MALRD1: variants seen among roughly 807,000 people sequenced by gnomAD.
The protein encoded by MALRD1 is MAM and LDL-receptor class A domain-containing protein 1.
In MALRD1, 247 loss-of-function variants were observed where a neutral mutation model predicts 242.1. The ratio of observed to expected loss-of-function variants is 1.02; its 90% CI spans 0.92 to 1.13. The LOEUF (loss-of-function observed/expected upper bound fraction) is 1.13, where lower values mean the gene tolerates loss of function less well. Among genes scored for constraint, MALRD1 ranks in the 50% most tolerant of loss-of-function variants. MALRD1 has a pLI of 0.00. For synonymous variants in MALRD1, 995 were observed against 866.6 expected (o/e 1.15, Z -2.60); for missense variants, 2,989 against 2,533.1 (o/e 1.18, Z -3.86).
chr10:19,473,742 A>G (rs7073687), intron 29 of MALRD1, among the ~76,000 whole-genome samples: 131,165 of 152,152 alleles, frequency 0.86, 56,703 homozygotes, highest in East Asian at 1. Context: ...CACTTGGATT[A>G]CTTTTGCCTT....
In MALRD1 at chr10:19,165,810, G is replaced by C; in HGVS notation, c.1830G>C (p.Gln610His). ...CGGGAGAATCTACTCTACCTTTTCA[G>C]GTAAGCACATACGAAATTAATACAA... ...AEAGESTLPF[Q>H]LILEATVLSS... is the part of the protein sequence containing the mutation. Residue 610 changes from glutamine to histidine, a missense_variant and splice_region_variant, in exon 13 of 40, where the codon CAG becomes CAC. Coordinates refer to ENST00000454679, the MANE Select transcript of MALRD1 (RefSeq NM_001142308.3). 1 of 1,231,530 alleles carries C rather than the reference G, an allele frequency of 8.1e-7. No homozygotes were observed. 76.3% of individuals were successfully genotyped at this position (1,231,530 alleles called of 1,614,324 possible). A position where few individuals can be genotyped will look rare whatever the true frequency, so the allele number is the denominator to read the frequency against.
intron 14 of MALRD1, 52 bp downstream of exon 14, chr10:19,175,380 C>A (rs1458902149): frequency 6.6e-6 from 8 of 1,204,232 alleles, no homozygotes; most frequent in Admixed American, 4.3e-5. Context: ...TTAAGCTCTT[C>A]TCAGTATCAA....
At chr10:19,539,615 T>G (rs564267351) in intron 32 of MALRD1, among the ~76,000 whole-genome samples, 28 of 152,266 alleles carry the variant, frequency 1.8e-4, no homozygotes, top group South Asian at 8.3e-4. Context: ...GGGGATGCTA[T>G]AAGTATTTGT....
At chr10:19,240,006 G>T (rs1187549407) in intron 18 of MALRD1, among the ~76,000 whole-genome samples, 1 of 151,966 alleles carries the variant, frequency 6.6e-6, no homozygotes, top group African/African-American at 2.4e-5. Context: ...CATACAAATT[G>T]TAGGGTACTT....
intron 26 of MALRD1, among the ~76,000 whole-genome samples, chr10:19,365,677 AAAAAAAAAAAAC>A (rs1564597226): frequency 1.4e-5 from 1 of 73,204 alleles, no homozygotes; most frequent in Non-Finnish European, 3.0e-5. Flanking sequence ...AAAAAAAAAA[AAAAAAAAAAAAC>A]AAGCTACTAT....
chr10:19,336,298 T>G (rs1385483385), intron 24 of MALRD1, among the ~76,000 whole-genome samples: 6 of 152,176 alleles, frequency 3.9e-5, no homozygotes, highest in Admixed American at 3.9e-4. Flanking sequence ...TACATTCTAA[T>G]TAGCTTATTT....
At chr10:19,310,076 G>T (rs1198792048) in intron 21 of MALRD1, among the ~76,000 whole-genome samples, 1 of 151,446 alleles carries the variant, frequency 6.6e-6, no homozygotes, top group Non-Finnish European at 1.5e-5. Flanking sequence ...CCAATCTCTT[G>T]TCAGTGTCTC....
chr10:19,161,950 C>G (rs1235582825), intron 12 of MALRD1, among the ~76,000 whole-genome samples: 1 of 152,136 alleles, frequency 6.6e-6, no homozygotes, highest in Non-Finnish European at 1.5e-5. Context: ...ATCACTTGAA[C>G]CCAGGAAGTG....
chr10:19,099,793 T>C (rs1324551013), intron 4 of MALRD1, among the ~76,000 whole-genome samples: 1 of 151,364 alleles, frequency 6.6e-6, no homozygotes, highest in East Asian at 1.9e-4. Context: ...CCAGATGGAA[T>C]CTCACTCTGT....
intron 28 of MALRD1, among the ~76,000 whole-genome samples, chr10:19,411,371 T>A (rs1201974004): frequency 6.6e-6 from 1 of 152,192 alleles, no homozygotes; most frequent in Non-Finnish European, 1.5e-5. Context: ...AATACCAGTA[T>A]TATCCAAACA....
intron 21 of MALRD1, among the ~76,000 whole-genome samples, chr10:19,297,360 A>G (rs1051091583): frequency 6.6e-6 from 1 of 151,842 alleles, no homozygotes; most frequent in Non-Finnish European, 1.5e-5. Flanking sequence ...TTCTATAATC[A>G]TAAGATTAAA....
intron 32 of MALRD1, 146 bp from the exon 33 acceptor site, chr10:19,567,356 C>A: frequency 1.3e-6 from 1 of 744,038 alleles, no homozygotes; most frequent in Non-Finnish European, 2.1e-6. Context: ...CACTTTATAA[C>A]CCACAATTTC....
intron 29 of MALRD1, among the ~76,000 whole-genome samples, chr10:19,479,096 A>C (rs1299013148): frequency 6.6e-6 from 1 of 152,202 alleles, no homozygotes; most frequent in East Asian, 1.9e-4. Context: ...ATGAAATACT[A>C]TTTGATCACT....
At chr10:19,295,995 G>A (rs76805782) in intron 21 of MALRD1, among the ~76,000 whole-genome samples, 7 of 152,188 alleles carry the variant, frequency 4.6e-5, no homozygotes, top group African/African-American at 1.7e-4. Flanking sequence ...GCAGCACAGT[G>A]GAATTACTTG....
intron 8 of MALRD1, among the ~76,000 whole-genome samples, chr10:19,129,510 G>T (rs1837386217): frequency 6.6e-6 from 1 of 151,916 alleles, no homozygotes; most frequent in Admixed American, 6.6e-5. Flanking sequence ...TAGAGGATTT[G>T]TCACATAGGT....
At chr10:19,233,149 T>C (rs1301285195) in intron 18 of MALRD1, among the ~76,000 whole-genome samples, 1 of 152,136 alleles carries the variant, frequency 6.6e-6, no homozygotes, top group Non-Finnish European at 1.5e-5. Context: ...CAGTGTGAAA[T>C]AATCACGTCA....
intron 28 of MALRD1, among the ~76,000 whole-genome samples, chr10:19,409,088 C>T (rs1833161715): frequency 6.6e-6 from 1 of 152,166 alleles, no homozygotes; most frequent in Non-Finnish European, 1.5e-5. Context: ...CCCAGATGGC[C>T]TTCAGTGAGT....
intron 33 of MALRD1, among the ~76,000 whole-genome samples, chr10:19,584,078 T>C (rs1837269755): frequency 6.6e-6 from 1 of 150,826 alleles, no homozygotes; most frequent in South Asian, 2.1e-4. Flanking sequence ...ATATCCCCTT[T>C]ATCATTTTTT....
At chr10:19,403,816 G>T (rs573317757) in intron 28 of MALRD1, among the ~76,000 whole-genome samples, 2 of 151,978 alleles carry the variant, frequency 1.3e-5, no homozygotes, top group South Asian at 2.1e-4. Flanking sequence ...TCTTTTTAGC[G>T]TTTGTTTCTA....
Sources: allele counts gnomAD v4.1 joint callset (sites outside exome capture counted in the v4.1 genomes callset), GRCh38; gene constraint gnomAD v4.1.1; transcripts MANE v1.5; gene names NCBI Gene and HGNC (gene_info 2026-07-23, HGNC 2026-07-21).